The following NVL variants were observed in gnomAD, a reference collection of about 807,000 sequenced individuals.
The protein encoded by NVL is nuclear valosin-containing protein-like.
A neutral mutation model predicts 110.2 loss-of-function variants in NVL; 84 were observed. The ratio of observed to expected loss-of-function variants is 0.76; its 90% CI spans 0.64 to 0.91. The LOEUF (loss-of-function observed/expected upper bound fraction) is 0.91. NVL is among the 40% of genes least tolerant of loss of function. NVL has a pLI of 0.00. For synonymous variants in NVL, 354 were observed against 361.1 expected, an observed-to-expected ratio of 0.98 and a Z score of 0.22; for missense variants, 882 against 1,035.9, an observed-to-expected ratio of 0.85 and a Z score of 2.04.
At chr1:224,258,643 C>T (rs898140664) in intron 18 of NVL, among the ~76,000 whole-genome samples, 2 of 152,056 alleles carry the variant, frequency 1.3e-5, no homozygotes, top group Non-Finnish European at 2.9e-5. Context: ...ACAGAAACAG[C>T]CCAGATGTCC....
intron 16 of NVL, among the ~76,000 whole-genome samples, chr1:224,276,886 T>A (rs112886551): frequency 3.7e-4 from 56 of 152,006 alleles, no homozygotes; most frequent in Non-Finnish European, 7.1e-4. Context: ...ATATGGCTTA[T>A]CCTCATCCTG....
chr1:224,308,018 A>G lies in NVL; in HGVS notation c.588T>C (p.Asn196=). 1 of 1,546,142 alleles carries G rather than the reference A, an allele frequency of 6.5e-7. No individual in the cohort carries two copies. The highest frequency in any genetic ancestry group is 8.7e-7 in the Non-Finnish European group (1 of 1,150,016). The part of the protein sequence containing the change: ...FFLDLSCEKS[N]PKKPITEIQD... ...GTATCTCAGTTATTGGCTTCTTAGG[A>G]TTACTTTTCTCACATGACAGGTCCA... The change falls in exon 6 of 23, where the codon AAT becomes AAC. Residue 196 remains asparagine (N), a synonymous_variant. Coordinates refer to ENST00000281701, the MANE Select transcript of NVL (RefSeq NM_002533.4).
chr1:224,304,473 A>G (rs1203201974), intron 8 of NVL, among the ~76,000 whole-genome samples: 1 of 151,980 alleles, frequency 6.6e-6, no homozygotes, highest in Non-Finnish European at 1.5e-5. Flanking sequence ...TAAAGTTACC[A>G]TTACTATTAG....
chr1:224,285,977 C>A, intron 15 of NVL, 49 bp downstream of exon 15: 1 of 1,343,242 alleles, frequency 7.4e-7, no homozygotes, highest in Non-Finnish European at 1.1e-6. Context: ...TCATATTATC[C>A]TATCTGATAC....
intron 17 of NVL, 95 bp downstream of exon 17, chr1:224,275,244 C>T: frequency 7.0e-7 from 1 of 1,433,568 alleles, no homozygotes; most frequent in Non-Finnish European, 9.7e-7. Context: ...CTCAATGCTC[C>T]CAAGGGATGA....
At chr1:224,329,937 G>C in intron 1 of NVL, 134 bp downstream of exon 1, 3 of 857,502 alleles carry the variant, frequency 3.5e-6, no homozygotes, top group South Asian at 1.6e-5. Flanking sequence ...AGGAGAAACA[G>C]ACGCACGCCC....
intron 14 of NVL, 49 bp downstream of exon 14, chr1:224,287,726 G>C: frequency 6.7e-7 from 1 of 1,498,198 alleles, no homozygotes; most frequent in Non-Finnish European, 9.3e-7. Flanking sequence ...TTTATCTCTG[G>C]TCTTTAATCC....
rs371611235 is a variant in NVL at position 224,293,108 on chromosome 1, C to T, written c.1325+1159G>A. ...TTTTTGAGACAGAGTCTTGCTCTGT[C>T]GCCCAGGCTGGAGTGCAGTGGCGCC... On this transcript the variant is annotated intron_variant, in intron 12 of 22. Transcript: ENST00000281701. Among the ~76,000 whole-genome samples the T allele has an allele frequency of 9.7e-4, 142 of 146,418 alleles. 1 individual carries two copies. Among genetic ancestry groups the T allele is most frequent in the African/African-American group, 3.3e-3 (132 of 39,496 alleles).
At chr1:224,265,131 T>C (rs1188968705) in intron 18 of NVL, among the ~76,000 whole-genome samples, 1 of 152,054 alleles carries the variant, frequency 6.6e-6, no homozygotes, top group Admixed American at 6.6e-5. Flanking sequence ...GGGAAGACAA[T>C]ATACACACAT....
chr1:224,241,290 T>A (rs572634826), intron 19 of NVL, among the ~76,000 whole-genome samples: 3 of 152,272 alleles, frequency 2.0e-5, no homozygotes, highest in Admixed American at 6.5e-5. Context: ...TATTCTCAAG[T>A]GAGAGCAAAG....
chr1:224,282,355 T>C (rs1431489828), intron 15 of NVL, among the ~76,000 whole-genome samples: 1 of 152,202 alleles, frequency 6.6e-6, no homozygotes, highest in Non-Finnish European at 1.5e-5. Context: ...TATGTGAACA[T>C]TTGTTTACAT....
chr1:224,278,615 C>T (rs1433918261), intron 16 of NVL, among the ~76,000 whole-genome samples: 3 of 152,068 alleles, frequency 2.0e-5, no homozygotes, highest in African/African-American at 7.2e-5. Flanking sequence ...AATCAGACCA[C>T]AATGAGGCAA....
At chr1:224,292,505 C>T (rs181357354) in intron 12 of NVL, among the ~76,000 whole-genome samples, 54 of 152,288 alleles carry the variant, frequency 3.5e-4, no homozygotes, top group African/African-American at 1.3e-3. Context: ...TTCACTGGCT[C>T]AAAGTTTGGG....
intron 9 of NVL, among the ~76,000 whole-genome samples, chr1:224,302,280 G>A (rs538509658): frequency 5.4e-4 from 82 of 151,898 alleles, no homozygotes; most frequent in African/African-American, 1.9e-3. Flanking sequence ...TTGGCTCACC[G>A]CGACCTCCGC....
chr1:224,309,148 G>A (rs1039953871), intron 5 of NVL, among the ~76,000 whole-genome samples: 2 of 151,898 alleles, frequency 1.3e-5, no homozygotes, highest in Admixed American at 6.6e-5. Context: ...AGTAAGTATG[G>A]TTGCTTCGAA....
intron 17 of NVL, among the ~76,000 whole-genome samples, chr1:224,274,883 C>T (rs1029172587): frequency 6.6e-6 from 1 of 151,954 alleles, no homozygotes; most frequent in South Asian, 2.1e-4. Context: ...GGTGTTGGGT[C>T]TTTTTTTATC....
chr1:224,322,557 C>G (rs1171933671), intron 2 of NVL, among the ~76,000 whole-genome samples: 1 of 152,072 alleles, frequency 6.6e-6, no homozygotes, highest in African/African-American at 2.4e-5. Flanking sequence ...GTGACAAATA[C>G]CTTAAAATGT....
At chr1:224,248,477 T>C (rs902451028) in intron 19 of NVL, among the ~76,000 whole-genome samples, 3 of 152,188 alleles carry the variant, frequency 2.0e-5, no homozygotes, top group Admixed American at 1.3e-4. Context: ...ATCTGCCCTG[T>C]TCTCCCTCCT....
intron 5 of NVL, among the ~76,000 whole-genome samples, chr1:224,309,808 C>G (rs962917472): frequency 4.6e-5 from 7 of 152,098 alleles, no homozygotes; most frequent in Admixed American, 4.6e-4. Flanking sequence ...GTGGGTGGAT[C>G]ACTCAAGGCC....
Sources: allele counts gnomAD v4.1 joint callset (sites outside exome capture counted in the v4.1 genomes callset), GRCh38; gene constraint gnomAD v4.1.1; transcripts MANE v1.5; gene names NCBI Gene and HGNC (gene_info 2026-07-23, HGNC 2026-07-21).